COG2: variants seen among roughly 807,000 people sequenced by gnomAD.
COG2 encodes the protein component of oligomeric golgi complex 2.
COG2 carries 52 observed loss-of-function variants against 90.6 expected under a neutral mutation model. The ratio of observed to expected loss-of-function variants is 0.57; its 90% CI spans 0.46 to 0.72. The LOEUF is 0.72. COG2 is among the 30% of genes least tolerant of loss of function. The probability of loss-of-function intolerance (pLI) is 0.00; values close to 1 mark genes in which losing one functional copy is unlikely to be tolerated. For missense variants in COG2, 829 were observed against 891.2 expected (o/e 0.93, Z 0.89); for synonymous variants, 337 against 320.4 (o/e 1.05, Z -0.55).
chr1:230,648,397 T>C (rs1661840207), intron 1 of COG2, among the ~76,000 whole-genome samples: 1 of 152,262 alleles, frequency 6.6e-6, no homozygotes, highest in African/African-American at 2.4e-5. Context: ...CATGAAAAGC[T>C]TGAATTCTCT....
At position 230,686,959 on chromosome 1, in the gene COG2, G is replaced by A. The variant is rs752167304; in HGVS notation, c.1405G>A (p.Glu469Lys). 23 of 1,555,968 alleles carry A rather than the reference G, an allele frequency of 1.5e-5. No individual in the cohort carries two copies. The highest frequency in any genetic ancestry group is 1.9e-5 in the Non-Finnish European group (22 of 1,147,226). Residue 469 changes from glutamate (E) to lysine (K), a missense_variant, in exon 13 of 18, where the codon GAA becomes AAA. Glu to Lys is a moderately conservative substitution (Grantham distance 56). Coordinates refer to ENST00000366669, the MANE Select transcript of COG2 (RefSeq NM_007357.3). ...NELSLRPISN[E>K]SPKEIKKPLV... ...GCTTTCACTCAGGCCCATTTCTAATGAAAGTCCCAAGGAGATCAAGAAACC... is the reference window on the plus strand; with the variant it reads ...GCTTTCACTCAGGCCCATTTCTAATAAAAGTCCCAAGGAGATCAAGAAACC...
At chr1:230,643,507 A>G (rs1661679484) in intron 1 of COG2, among the ~76,000 whole-genome samples, 1 of 152,246 alleles carries the variant, frequency 6.6e-6, no homozygotes, top group African/African-American at 2.4e-5. Flanking sequence ...TTAAAAAGCG[A>G]AAAGTTTTAG....
chr1:230,649,163 TA>T (rs1477086866), intron 1 of COG2, among the ~76,000 whole-genome samples: 3 of 152,260 alleles, frequency 2.0e-5, no homozygotes, highest in African/African-American at 7.2e-5. Flanking sequence ...AAACTTCTAA[TA>T]TCATCTGTCC....
intron 5 of COG2, among the ~76,000 whole-genome samples, chr1:230,668,271 G>A (rs1209898717): frequency 6.6e-6 from 1 of 152,044 alleles, no homozygotes; most frequent in African/African-American, 2.4e-5. Context: ...GGAAAGGGGA[G>A]AGGGGGAAGA....
intron 1 of COG2, among the ~76,000 whole-genome samples, chr1:230,658,694 G>T (rs1662118220): frequency 6.6e-6 from 1 of 152,180 alleles, no homozygotes; most frequent in South Asian, 2.1e-4. Context: ...GGGGATGGGG[G>T]TTTTATCTAT....
At position 230,642,536 on chromosome 1, in the gene COG2, C is replaced by CTG; in HGVS notation, c.-71_-70insTG. 1 of 1,497,914 alleles carries CTG rather than the reference C, an allele frequency of 6.7e-7. No homozygotes were observed. The highest frequency in any genetic ancestry group is 9.1e-7 in the Non-Finnish European group (1 of 1,097,872). 92.8% of individuals were successfully genotyped at this position (1,497,914 alleles called of 1,614,324 possible). A position where few individuals can be genotyped will look rare whatever the true frequency, so the allele number is the denominator to read the frequency against. ...TGGAAACTGGCGGTGGCCGCGGCCG[C>CTG]CGAGTCGGTCTGCGCAGCCTCCTGC... is the stretch of plus-strand genomic sequence containing the variant. On this transcript the variant is annotated 5_prime_UTR_variant, in exon 1 of 18. The change abolishes the stop of an existing upstream ORF in the 5' untranslated region. Coordinates refer to ENST00000366669, the MANE Select transcript of COG2 (RefSeq NM_007357.3).
chr1:230,646,988 G>A (rs12029374), intron 1 of COG2, among the ~76,000 whole-genome samples: 33,073 of 151,728 alleles, frequency 0.22, 4,193 homozygotes, highest in Admixed American at 0.3. Context: ...GCTTCTTACT[G>A]TAGTCCCCTG....
intron 3 of COG2, 62 bp from the exon 4 acceptor site, chr1:230,663,079 G>T: frequency 1.5e-6 from 2 of 1,358,592 alleles, no homozygotes; most frequent in Non-Finnish European, 1.0e-6. Context: ...TGAATTAAAT[G>T]TGTAAATTTC....
intron 13 of COG2, among the ~76,000 whole-genome samples, chr1:230,687,545 T>C (rs1337124661): frequency 6.6e-6 from 1 of 152,234 alleles, no homozygotes; most frequent in East Asian, 1.9e-4. Flanking sequence ...ATATTTTCTG[T>C]TGATGTTTAA....
chr1:230,673,239 A>G (rs917899413), intron 8 of COG2, among the ~76,000 whole-genome samples: 1 of 152,178 alleles, frequency 6.6e-6, no homozygotes, highest in Non-Finnish European at 1.5e-5. Context: ...GGGGGAATTC[A>G]TGTAGAAGGC....
At chr1:230,648,345 A>G (rs1661839231) in intron 1 of COG2, among the ~76,000 whole-genome samples, 2 of 152,252 alleles carry the variant, frequency 1.3e-5, no homozygotes, top group Non-Finnish European at 2.9e-5. Context: ...CACAGCAACT[A>G]AAATGCTGAC....
chr1:230,686,945 G>A lies in COG2; in HGVS notation c.1391G>A (p.Arg464Lys). Residue 464 changes from arginine to lysine, a missense_variant, in exon 13 of 18, where the codon AGG (arginine) becomes AAG (lysine). Arg to Lys is a conservative substitution (Grantham distance 26). Transcript: ENST00000366669. Reference sequence around the variant, plus strand: ...GAAATCCTTTTTCAGCTTTCACTCAGGCCCATTTCTAATGAAAGTCCCAAG... The same window carrying A: ...GAAATCCTTTTTCAGCTTTCACTCAAGCCCATTTCTAATGAAAGTCCCAAG... ...YSVFVNELSL[R>K]PISNESPKEI... 1 of 1,542,532 alleles carries A rather than the reference G, an allele frequency of 6.5e-7. No homozygotes were observed.
At chr1:230,689,742 C>T (rs755360729) in intron 15 of COG2, among the ~76,000 whole-genome samples, 5 of 152,208 alleles carry the variant, frequency 3.3e-5, no homozygotes, top group Non-Finnish European at 5.9e-5. Flanking sequence ...GCCCTAGTTT[C>T]GGTGCCCTGA....
intron 9 of COG2, chr1:230,678,623 G>C: frequency 1.5e-6 from 2 of 1,342,556 alleles, no homozygotes; most frequent in African/African-American, 1.5e-5. Flanking sequence ...CTGGGGTAGG[G>C]GGCCCTAGAA....
At chr1:230,658,791 G>T (rs759518257) in intron 1 of COG2, among the ~76,000 whole-genome samples, 36 of 152,152 alleles carry the variant, frequency 2.4e-4, no homozygotes, top group African/African-American at 8.4e-4. Context: ...CAGCGGCCTT[G>T]CTGAGCTGCA....
chr1:230,669,623 C>CA, intron 7 of COG2, 88 bp downstream of exon 7: 1 of 1,196,034 alleles, frequency 8.4e-7, no homozygotes, highest in African/African-American at 1.5e-5. Context: ...GAAGAGAGAA[C>CA]AGAGATCTTT....
chr1:230,642,717 G>A, intron 1 of COG2, 39 bp downstream of exon 1: 3 of 1,594,374 alleles, frequency 1.9e-6, no homozygotes, highest in Non-Finnish European at 1.7e-6. Context: ...GGGCCATGAG[G>A]GTGCCTCTGC....
rs756415608 is a variant in COG2, at chr1:230,693,265, CAT to C, written c.2116-25_2116-24del. 2.2e-6 allele frequency: 3 copies of C among 1,361,842 alleles called. No homozygotes were observed. In the East Asian group the frequency reaches 6.9e-5, roughly 31 times the overall value. 84.4% of individuals were successfully genotyped at this position (1,361,842 alleles called of 1,614,324 possible). On this transcript the variant is annotated intron_variant, in intron 17 of 17. Transcript: ENST00000366669. ...CCATATTCAGCTTGAATTGCAGTAA[CAT>C]AATTCATTCTCATGGCCTTTGCAGA... is the stretch of plus-strand genomic sequence containing the variant.
intron 1 of COG2, among the ~76,000 whole-genome samples, chr1:230,655,288 T>C (rs1184868803): frequency 6.6e-6 from 1 of 152,210 alleles, no homozygotes; most frequent in Non-Finnish European, 1.5e-5. Flanking sequence ...ACCTAGTTTA[T>C]TGAGAGTTTT....
Sources: allele counts gnomAD v4.1 joint callset (sites outside exome capture counted in the v4.1 genomes callset), GRCh38; gene constraint gnomAD v4.1.1; transcripts MANE v1.5; gene names NCBI Gene and HGNC (gene_info 2026-07-23, HGNC 2026-07-21).